The following VPS53 variants were observed in gnomAD, a reference collection of about 807,000 sequenced individuals.
The protein encoded by VPS53 is VPS53 subunit of GARP complex.
In VPS53, 70 loss-of-function variants were observed where a neutral mutation model predicts 107.0. That is an observed-to-expected ratio of 0.65 (90% CI 0.54 to 0.80). The LOEUF (loss-of-function observed/expected upper bound fraction) is 0.80, where lower values mean the gene tolerates loss of function less well. Among genes scored for constraint, VPS53 ranks in the 30% least tolerant of loss-of-function variants. The probability of loss-of-function intolerance (pLI) is 0.00; values close to 1 mark genes in which losing one functional copy is unlikely to be tolerated. For synonymous variants in VPS53, 409 were observed against 393.3 expected (o/e 1.04, Z -0.47); for missense variants, 917 against 1,049.4 (o/e 0.87, Z 1.74).
chr17:653,029 G>A (rs960027786), intron 7 of VPS53, among the ~76,000 whole-genome samples: 4 of 152,192 alleles, frequency 2.6e-5, no homozygotes, highest in Middle Eastern at 3.2e-3. Context: ...CACTTCTTCC[G>A]GTGACAGTTT....
At chr17:598,701 GAAGTGAGGAGACCCTCTGCCCGGCAA>G (rs1968131925) in intron 12 of VPS53, among the ~76,000 whole-genome samples, 1 of 118,108 alleles carries the variant, frequency 8.5e-6, no homozygotes, top group Non-Finnish European at 1.9e-5. Context: ...CCCCGTCTGA[GAAGTGAGGAGACCCTCTGCCCGGCAA>G]CCGCCCCGTC....
At chr17:545,881 A>G (rs1193844628) in intron 17 of VPS53, among the ~76,000 whole-genome samples, 1 of 152,230 alleles carries the variant, frequency 6.6e-6, no homozygotes, top group Non-Finnish European at 1.5e-5. Flanking sequence ...TGACATTGTA[A>G]GGGACCTAGA....
At chr17:599,180 G>A (rs1405361403) in intron 12 of VPS53, among the ~76,000 whole-genome samples, 3 of 150,710 alleles carry the variant, frequency 2.0e-5, no homozygotes, top group African/African-American at 4.9e-5. Flanking sequence ...GGTGAGGGGC[G>A]CCTCTGCCCG....
chr17:699,828 C>A (rs1399159588), intron 2 of VPS53, among the ~76,000 whole-genome samples: 1 of 152,142 alleles, frequency 6.6e-6, no homozygotes, highest in Admixed American at 6.5e-5. Flanking sequence ...AAACATTTTA[C>A]TAACGGAATG....
At chr17:697,304 A>G in intron 4 of VPS53, 114 bp downstream of exon 4, 1 of 888,930 alleles carries the variant, frequency 1.1e-6, no homozygotes, top group Non-Finnish European at 1.9e-6. Flanking sequence ...CCTGCCATGT[A>G]TGAAACGGAT....
At chr17:540,878 A>G (rs1165918265) in intron 17 of VPS53, among the ~76,000 whole-genome samples, 1 of 152,206 alleles carries the variant, frequency 6.6e-6, no homozygotes, top group African/African-American at 2.4e-5. Flanking sequence ...CTGACGCTCC[A>G]CAGTGGGGCT....
At chr17:581,978 G>A (rs142271525) in intron 13 of VPS53, among the ~76,000 whole-genome samples, 1 of 146,760 alleles carries the variant, frequency 6.8e-6, no homozygotes, top group African/African-American at 2.5e-5. Flanking sequence ...TGTGTTCCCA[G>A]AGAACCTCCT....
intron 6 of VPS53, among the ~76,000 whole-genome samples, chr17:655,283 TCCCTCTACAAGCCAAACG>T: frequency 1.3e-5 from 2 of 149,728 alleles, no homozygotes; most frequent in Non-Finnish European, 3.0e-5. Flanking sequence ...GATGTATCAT[TCCCTCTACAAGCCAAACG>T]GAAATCTACT....
At chr17:546,327 T>TCACA (rs888241748) in intron 17 of VPS53, among the ~76,000 whole-genome samples, 67 of 93,198 alleles carry the variant, frequency 7.2e-4, no homozygotes, top group African/African-American at 1.4e-3. Context: ...ATCTTAGATA[T>TCACA]CTCACACACA....
chr17:567,005 A>G (rs1913587206), intron 13 of VPS53, among the ~76,000 whole-genome samples: 1 of 152,032 alleles, frequency 6.6e-6, no homozygotes, highest in South Asian at 2.1e-4. Context: ...TCAGCCTCCC[A>G]AAGTGCTGGG....
At chr17:681,295 C>G (rs1360557907) in intron 4 of VPS53, among the ~76,000 whole-genome samples, 4 of 152,180 alleles carry the variant, frequency 2.6e-5, no homozygotes, top group Non-Finnish European at 5.9e-5. Flanking sequence ...TGCCACCACA[C>G]TCAGCTAACT....
intron 4 of VPS53, among the ~76,000 whole-genome samples, chr17:687,669 T>C (rs1023242406): frequency 1.6e-4 from 24 of 151,950 alleles, no homozygotes; most frequent in African/African-American, 5.6e-4. Context: ...GCCCACGAGG[T>C]TGAGGGCGCA....
intron 7 of VPS53, among the ~76,000 whole-genome samples, chr17:635,466 T>C (rs1469975455): frequency 6.6e-6 from 1 of 152,256 alleles, no homozygotes; most frequent in Non-Finnish European, 1.5e-5. Context: ...CATGAAGTCC[T>C]TGCCCATGCC....
chr17:527,097 A>G (rs1198302261), intron 19 of VPS53, among the ~76,000 whole-genome samples: 1 of 152,236 alleles, frequency 6.6e-6, no homozygotes, highest in Non-Finnish European at 1.5e-5. Context: ...CACGTATGCC[A>G]TTTGATCAAC....
chr17:657,111 T>C (rs1971225405), intron 5 of VPS53: 2 of 1,102,284 alleles, frequency 1.8e-6, no homozygotes, highest in East Asian at 4.7e-5. Context: ...ATCTGAATGG[T>C]GTCATTCACC....
intron 4 of VPS53, among the ~76,000 whole-genome samples, chr17:679,782 T>C (rs571250153): frequency 5.8e-4 from 88 of 152,284 alleles, no homozygotes; most frequent in African/African-American, 2.0e-3. Flanking sequence ...ATAGTCTGAC[T>C]CTCTGAAACA....
Position 519,803 on chromosome 17 carries a change from G to C in VPS53, c.2328+23C>G. On this transcript the variant is annotated intron_variant, in intron 21 of 21. Transcript: ENST00000437048. This position sits in a 1 kb window ranked among gnomAD's most constrained non-coding sequence, Gnocchi z 5.0. ...GAGTGTGAGGGGGATGAGCAGGTGT[G>C]GACCAAATGTCCCGGCACAAACCTT... The C allele has an allele frequency of 6.6e-7, 1 of 1,505,524 alleles. No individual in the cohort carries two copies. Among genetic ancestry groups the C allele is most frequent in the Non-Finnish European group, 9.0e-7 (1 of 1,104,982 alleles). 93.3% of individuals were successfully genotyped at this position (1,505,524 alleles called of 1,614,324 possible).
intron 15 of VPS53, among the ~76,000 whole-genome samples, chr17:558,078 T>C (rs1912597916): frequency 2.0e-5 from 3 of 152,214 alleles, no homozygotes; most frequent in Admixed American, 2.0e-4. Context: ...CAGGCTGGTC[T>C]TGGACTATTG....
chr17:662,242 G>T (rs1311750682), intron 4 of VPS53, among the ~76,000 whole-genome samples: 3 of 152,204 alleles, frequency 2.0e-5, no homozygotes, highest in Non-Finnish European at 1.5e-5. Context: ...AGGGACAGGG[G>T]TAGCTCTAAA....
Sources: allele counts gnomAD v4.1 joint callset (sites outside exome capture counted in the v4.1 genomes callset), GRCh38; gene constraint gnomAD v4.1.1; non-coding constraint Gnocchi (gnomAD v3.1); transcripts MANE v1.5; gene names NCBI Gene and HGNC (gene_info 2026-07-23, HGNC 2026-07-21).